The following ATAD5 variants were observed in gnomAD, a reference collection of about 807,000 sequenced individuals.
ATAD5 encodes the protein ATPase family AAA domain containing 5, also known as ATPase family AAA domain-containing protein 5.
Under a neutral mutation model 176.9 loss-of-function variants are expected in ATAD5, and 58 were observed. That is an observed-to-expected ratio of 0.33 (90% CI 0.27 to 0.41). The LOEUF (loss-of-function observed/expected upper bound fraction) is 0.41, where lower values mean the gene tolerates loss of function less well. ATAD5 is among the 10% of genes least tolerant of loss of function. The pLI is 1.00. For synonymous variants in ATAD5, 640 were observed against 712.6 expected, an observed-to-expected ratio of 0.90 and a Z score of 1.62; for missense variants, 1,789 against 2,094.1, an observed-to-expected ratio of 0.85 and a Z score of 2.84.
At chr17:30,864,987 C>G (rs1907887523) in intron 10 of ATAD5, 1 of 150,348 alleles carries the variant, frequency 6.7e-6, no homozygotes, top group Non-Finnish European at 1.5e-5. Context: ...GTGGCACAAT[C>G]CTGGCTCACT....
At chr17:30,846,087 A>C (rs1405326044) in intron 6 of ATAD5, among the ~76,000 whole-genome samples, 5 of 152,176 alleles carry the variant, frequency 3.3e-5, no homozygotes. Context: ...AAGAAATAAC[A>C]ATCTTCTTTT....
intron 14 of ATAD5, among the ~76,000 whole-genome samples, chr17:30,872,535 C>CTTTTTT (rs59593075): frequency 1.0e-5 from 1 of 98,054 alleles, no homozygotes; most frequent in Non-Finnish European, 2.6e-5. Context: ...GTTTCTTTTT[C>CTTTTTT]TTTTTTTTTT....
rs1909761971 is a variant in ATAD5 at position 30,893,760 on chromosome 17, A to G, written c.4907A>G (p.Lys1636Arg). The G allele has an allele frequency of 1.2e-6, 2 of 1,614,134 alleles. No homozygotes were observed. The highest frequency in any genetic ancestry group is 1.1e-5 in the South Asian group (1 of 91,082). ...IPCPPKTTAG[K>R]KCSALVSHCL... is the part of the protein sequence containing the mutation. ...TGTCCTCCTAAAACAACTGCAGGAA[A>G]AAAATGTTCTGCCCTTGTTTCTCAT... The change falls in exon 21 of 23, where the codon AAA becomes AGA. Residue 1636 changes from lysine to arginine, a missense_variant. Physicochemically the swap from Lys to Arg is conservative, Grantham distance 26. Transcript: ENST00000321990.
chr17:30,849,561 G>T (rs1345574118), intron 6 of ATAD5, among the ~76,000 whole-genome samples: 3 of 152,158 alleles, frequency 2.0e-5, no homozygotes, highest in Non-Finnish European at 2.9e-5. Flanking sequence ...TACTGATGGT[G>T]AACATCTTGT....
chr17:30,839,641 G>A (rs1429409549), intron 3 of ATAD5, among the ~76,000 whole-genome samples: 6 of 146,224 alleles, frequency 4.1e-5, no homozygotes, highest in South Asian at 2.2e-4. Flanking sequence ...GTGCAATGGC[G>A]CGATTTTGGC....
In ATAD5 at chr17:30,877,497, G is replaced by C; in HGVS notation, c.3866G>C (p.Gly1289Ala). ...ACTAATTCAAATGTCAAAGACGTTGGAGCTGAAGAACCCAGCAGAAAAAAT... is the reference window on the plus strand; with the variant it reads ...ACTAATTCAAATGTCAAAGACGTTGCAGCTGAAGAACCCAGCAGAAAAAAT... ...NATNSNVKDV[G>A]AEEPSRKNAT... Residue 1289 changes from glycine (G) to alanine (A), a missense_variant, in exon 16 of 23, where the codon GGA becomes GCA. Physicochemically the swap from Gly to Ala is moderately conservative, Grantham distance 60. This residue lies in a region of ATAD5 where 194 missense variants were observed against 270.1 expected (regional missense o/e 0.72). Transcript: ENST00000321990. 6.2e-7 allele frequency: 1 copy of C among 1,611,180 alleles called. No individual in the cohort carries two copies. Among genetic ancestry groups the C allele is most frequent in the East Asian group, 2.2e-5 (1 of 44,796 alleles).
intron 1 of ATAD5, among the ~76,000 whole-genome samples, chr17:30,832,894 G>A (rs1905468968): frequency 6.6e-6 from 1 of 152,194 alleles, no homozygotes; most frequent in Non-Finnish European, 1.5e-5. Context: ...GTTTCTCATG[G>A]CTTAGTATCT....
rs147386284 is a variant in ATAD5 at position 30,847,333 on chromosome 17, G to T, written c.2450+2417G>T. ...ATATGCCGCTATATATATATAGAGA[G>T]AGAGAGAGAGAGAGAGAGATGGAGT... On this transcript the variant is annotated intron_variant, in intron 6 of 22. Coordinates refer to ENST00000321990, the MANE Select transcript of ATAD5 (RefSeq NM_024857.5). Among the ~76,000 whole-genome samples the T allele has an allele frequency of 1.0e-2, 1,486 of 149,040 alleles. 15 individuals carry two copies. The highest frequency in any genetic ancestry group is 0.021 in the African/African-American group (816 of 38,816).
chr17:30,841,490 A>G (rs555811594), intron 4 of ATAD5, among the ~76,000 whole-genome samples: 4 of 152,348 alleles, frequency 2.6e-5, no homozygotes, highest in Admixed American at 6.5e-5. Context: ...AGTTTGAGAT[A>G]TAATTCATAT....
At chr17:30,877,677 A>C (rs1478493282) in intron 16 of ATAD5, 128 bp downstream of exon 16, 1 of 939,926 alleles carries the variant, frequency 1.1e-6, no homozygotes, top group Non-Finnish European at 1.6e-6. Flanking sequence ...TCTATTTGAA[A>C]TTAAAGCAAA....
In ATAD5 at chr17:30,879,493, T is replaced by A. The variant is rs1345790211; in HGVS notation, c.4077+6T>A. The A allele has an allele frequency of 1.9e-6, 3 of 1,586,422 alleles. No homozygotes were observed. The highest frequency in any genetic ancestry group is 2.6e-6 in the Non-Finnish European group (3 of 1,171,972). On this transcript the variant is annotated splice_donor_region_variant and intron_variant, in intron 18 of 22. Coordinates refer to ENST00000321990, the MANE Select transcript of ATAD5 (RefSeq NM_024857.5). Reference sequence around the variant, plus strand: ...AGTTCAGTACTCCTTCCCTGGTAAGTTTTAAATTTTGATAGCCACAAATTA... The same window carrying A: ...AGTTCAGTACTCCTTCCCTGGTAAGATTTAAATTTTGATAGCCACAAATTA...
chr17:30,879,401 TTGTG>T lies in ATAD5; in HGVS notation c.4013-6_4013-3del, dbSNP rs529546366. 2.7e-5 allele frequency: 37 copies of T among 1,351,794 alleles called. No homozygotes were observed. The highest frequency in any genetic ancestry group is 3.8e-4 in the Middle Eastern group (2 of 5,300). 83.7% of individuals were successfully genotyped at this position (1,351,794 alleles called of 1,614,324 possible). On this transcript the variant is annotated intron_variant, in intron 17 of 22. Coordinates refer to ENST00000321990, the MANE Select transcript of ATAD5 (RefSeq NM_024857.5). ...CTTAGTGTTTAAGAATTTTTTTTTTTTGTGTGTGTGTGTGTGTGTAGACCCAACA... is the reference window on the plus strand; with the variant it reads ...CTTAGTGTTTAAGAATTTTTTTTTTTTGTGTGTGTGTGTGTAGACCCAACA...
At chr17:30,863,524 G>A (rs994699875) in intron 10 of ATAD5, among the ~76,000 whole-genome samples, 1 of 151,768 alleles carries the variant, frequency 6.6e-6, no homozygotes, top group Non-Finnish European at 1.5e-5. Context: ...ATGCTGCCAC[G>A]CCTGGCTAAT....
intron 6 of ATAD5, among the ~76,000 whole-genome samples, chr17:30,848,081 A>G (rs578092362): frequency 2.6e-5 from 4 of 152,166 alleles, no homozygotes; most frequent in Non-Finnish European, 4.4e-5. Flanking sequence ...TCTTGGGTAA[A>G]TAAATACCTA....
chr17:30,878,267 A>G (rs1396961443), intron 17 of ATAD5, among the ~76,000 whole-genome samples, 171 bp downstream of exon 17: 1 of 152,186 alleles, frequency 6.6e-6, no homozygotes, highest in African/African-American at 2.4e-5. Context: ...AACAATCTCT[A>G]GAATGCAAAT....
At chr17:30,879,831 G>C (rs1219462308) in intron 18 of ATAD5, among the ~76,000 whole-genome samples, 1 of 151,970 alleles carries the variant, frequency 6.6e-6, no homozygotes, top group East Asian at 2.0e-4. Flanking sequence ...CAAAGTGCTG[G>C]GATTACAGGC....
At position 30,835,566 on chromosome 17, in the gene ATAD5, CAG is replaced by C; in HGVS notation, c.1490_1491del (p.Glu497GlyfsTer20). On this transcript the variant is annotated frameshift_variant, in exon 2 of 23. Coordinates refer to ENST00000321990, the MANE Select transcript of ATAD5 (RefSeq NM_024857.5). LOFTEE classifies it high-confidence loss of function. ...LDTGAIPGKN[R>X]EGNTQKKETT... Reference sequence around the variant, plus strand: ...ATACTGGGGCTATTCCAGGCAAAAACAGAGAGGGAAACACTCAAAAGAAAGAA... The same window carrying C: ...ATACTGGGGCTATTCCAGGCAAAAACAGAGGGAAACACTCAAAAGAAAGAA... 1 of 1,611,366 alleles carries C rather than the reference CAG, an allele frequency of 6.2e-7. No individual in the cohort carries two copies. The highest frequency in any genetic ancestry group is 8.5e-7 in the Non-Finnish European group (1 of 1,178,718).
rs752175974 is a variant in ATAD5, at chr17:30,844,896, C to G, written c.2430C>G (p.Val810=). The G allele has an allele frequency of 1.3e-6, 2 of 1,583,458 alleles. No individual in the cohort carries two copies. Among genetic ancestry groups the G allele is most frequent in the Non-Finnish European group, 1.7e-6 (2 of 1,172,570 alleles). Residue 810 remains valine (V), a synonymous_variant, in exon 6 of 23, where the codon GTC becomes GTG. Coordinates refer to ENST00000321990, the MANE Select transcript of ATAD5 (RefSeq NM_024857.5). ...AAGCACAAAAAGCAGCTGATCCTGT[C>G]CCTAGTTTTGATGAAAGCAGGTCAG... is the stretch of plus-strand genomic sequence containing the variant. ...VRKAQKAADP[V]PSFDESSQDT...
chr17:30,841,184 T>G (rs1444119675), intron 4 of ATAD5, among the ~76,000 whole-genome samples: 1 of 152,104 alleles, frequency 6.6e-6, no homozygotes, highest in African/African-American at 2.4e-5. Context: ...CAGTTTTGTA[T>G]TTTTGGTAGA....
Sources: allele counts gnomAD v4.1 joint callset (sites outside exome capture counted in the v4.1 genomes callset), GRCh38; gene constraint gnomAD v4.1.1; regional missense constraint gnomAD v4.1.1; transcripts MANE v1.5; gene names NCBI Gene and HGNC (gene_info 2026-07-23, HGNC 2026-07-21).